Variants in NAV1 observed in about 807,000 individuals in gnomAD.
The protein encoded by NAV1 is neuron navigator 1.
Under a neutral mutation model 175.2 loss-of-function variants are expected in NAV1, and 18 were observed. That is an observed-to-expected ratio of 0.10 (90% CI 0.07 to 0.15). The LOEUF (loss-of-function observed/expected upper bound fraction) is 0.15, where lower values mean the gene tolerates loss of function less well. Among genes scored for constraint, NAV1 ranks in the 10% least tolerant of loss-of-function variants. NAV1 has a pLI of 1.00. For synonymous variants in NAV1, 897 were observed against 978.7 expected (o/e 0.92, Z 1.56); for missense variants, 1,731 against 2,436.6 (o/e 0.71, Z 6.10).
intron 1 of NAV1, among the ~76,000 whole-genome samples, chr1:201,567,475 C>T (rs915680103): frequency 2.0e-5 from 3 of 152,164 alleles, no homozygotes; most frequent in Admixed American, 1.3e-4. Flanking sequence ...AGGACTGAGG[C>T]GAAGCGAGCC....
rs1678831571 is a variant in NAV1 at position 201,813,669 on chromosome 1, A to G, written c.5340+411A>G. On this transcript the variant is annotated intron_variant, in intron 28 of 29. Coordinates refer to ENST00000367296, the Ensembl canonical transcript of NAV1. This position sits in a 1 kb window ranked among gnomAD's most constrained non-coding sequence, Gnocchi z 4.2. ...ACTTGACCTTTTTAAATACCCTCAT[A>G]TGTAAAAAAAAAAAGGAGACATCAC... Among the ~76,000 whole-genome samples the G allele has an allele frequency of 1.7e-5, 2 of 119,044 alleles. 1 individual carries two copies. Among genetic ancestry groups the G allele is most frequent in the South Asian group, 6.0e-4 (2 of 3,338 alleles). The allele number at this position is 119,044 out of a possible 152,430, so 78.1% of individuals were successfully genotyped here. A position where few individuals can be genotyped will look rare whatever the true frequency, so the allele number is the denominator to read the frequency against.
In NAV1 at chr1:201,681,412, T is replaced by A. The variant is rs113129343; in HGVS notation, c.758-31405T>A. ...CTGAGACTTTGTATACTAATGGGGT[T>A]CGTGAGTCCCCAGGAATGGGTTTAA... On this transcript the variant is annotated intron_variant, in intron 1 of 29. Transcript: ENST00000367296. Among the ~76,000 whole-genome samples, 1,070 of 152,292 alleles carry A rather than the reference T, an allele frequency of 7.0e-3. 10 individuals are homozygous for A. The highest frequency in any genetic ancestry group is 0.025 in the African/African-American group (1,019 of 41,550).
chr1:201,819,897 A>G, exon 30 of NAV1: 1 of 1,614,130 alleles, frequency 6.2e-7, no homozygotes, highest in Non-Finnish European at 8.5e-7. Flanking sequence ...AGATCGAGAA[A>G]CCATCCTGGA....
chr1:201,621,172 G>A (rs770956729), upstream of NAV1, among the ~76,000 whole-genome samples: 13 of 150,958 alleles, frequency 8.6e-5, no homozygotes, highest in Non-Finnish European at 1.5e-4. Flanking sequence ...CTCCCCGCTC[G>A]GCCTCCCAAA....
At chr1:201,618,577 G>T (rs1023841433), upstream of NAV1, among the ~76,000 whole-genome samples, 1 of 152,054 alleles carries the variant, frequency 6.6e-6, no homozygotes, top group Admixed American at 6.5e-5. Flanking sequence ...GAGGTTGGGG[G>T]TGTGTAGGCA....
chr1:201,824,238 C>A (rs900299383), exon 30 of NAV1: 2 of 152,102 alleles, frequency 1.3e-5, no homozygotes, highest in South Asian at 4.2e-4. Flanking sequence ...CATAAGCCAA[C>A]CCCTGTGATG....
intron 2 of NAV1, among the ~76,000 whole-genome samples, chr1:201,715,544 G>T (rs1298913770): frequency 6.6e-6 from 1 of 152,186 alleles, no homozygotes; most frequent in Non-Finnish European, 1.5e-5. Flanking sequence ...ATACTCCCTG[G>T]GTTAGAGAAT....
At position 201,782,344 on chromosome 1, in the gene NAV1, C is replaced by T; in HGVS notation, c.1832C>T (p.Pro611Leu). 1 of 1,614,172 alleles carries T rather than the reference C, an allele frequency of 6.2e-7. No homozygotes were observed. The change falls in exon 6 of 30, where the codon CCT (proline) becomes CTT (leucine). Residue 611 changes from proline (P) to leucine (L), a missense_variant. This residue lies in a region of NAV1 where 634 missense variants were observed against 766.8 expected (regional missense o/e 0.83). Transcript: ENST00000367296. The surrounding 1 kb of genome is among the most constrained non-coding windows in gnomAD (Gnocchi z 5.4). ...GGATCCTTTGGCTACAAGAAGCCTC[C>T]TCCTGCCACAGGCACAGCCACTGTC...
intron 2 of NAV1, among the ~76,000 whole-genome samples, chr1:201,717,396 C>A (rs1336652569): frequency 6.6e-6 from 1 of 152,208 alleles, no homozygotes; most frequent in African/African-American, 2.4e-5. Flanking sequence ...CTGATTTGGG[C>A]TGGCCCCACT....
rs779181590 is a variant in NAV1, at chr1:201,740,618, G to A, written c.1226+21863G>A. ...CGGAAGGATGAAACGGGGGAGGGAG[G>A]GGACGTTGAATTTGTGACCGTACTG... is the stretch of plus-strand genomic sequence containing the variant. On this transcript the variant is annotated intron_variant, in intron 3 of 29. Transcript: ENST00000367296. The surrounding 1 kb of genome is among the most constrained non-coding windows in gnomAD (Gnocchi z 4.7). 6.6e-6 allele frequency among the ~76,000 whole-genome samples: 1 copy of A among 152,128 alleles called. No individual in the cohort carries two copies. Among genetic ancestry groups the A allele is most frequent in the Non-Finnish European group, 1.5e-5 (1 of 68,020 alleles).
intron 3 of NAV1, among the ~76,000 whole-genome samples, chr1:201,737,126 C>CA (rs944186254): frequency 1.3e-5 from 2 of 152,120 alleles, no homozygotes; most frequent in African/African-American, 2.4e-5. Context: ...CATATTTTCA[C>CA]AAAAAACTCC....
At position 201,734,499 on chromosome 1, in the gene NAV1, G is replaced by GAAGAAGAAGA. The variant is rs1673016206; in HGVS notation, c.1226+15745_1226+15746insAGAAGAAGAA. On this transcript the variant is annotated intron_variant, in intron 3 of 29. Coordinates refer to ENST00000367296, the Ensembl canonical transcript of NAV1. ...GAGGAGGAGGAGGAAGAAGGAGAAGGAGAAGAAGAAGAAGAAGAAGAAGAA... is the reference window on the plus strand; with the variant it reads ...GAGGAGGAGGAGGAAGAAGGAGAAGGAAGAAGAAGAAGAAGAAGAAGAAGAAGAAGAAGAA... Among the ~76,000 whole-genome samples the GAAGAAGAAGA allele has an allele frequency of 1.9e-3, 227 of 120,616 alleles. 3 individuals are homozygous for GAAGAAGAAGA. The highest frequency in any genetic ancestry group is 3.8e-3 in the East Asian group (17 of 4,518). The allele number at this position is 120,616 out of a possible 152,430, so 79.1% of individuals were successfully genotyped here.
chr1:201,614,289 C>A (rs1667938232), intron 2 of NAV1, among the ~76,000 whole-genome samples: 1 of 152,246 alleles, frequency 6.6e-6, no homozygotes, highest in Non-Finnish European at 1.5e-5. Flanking sequence ...CATTCCCAAA[C>A]GCAATCGCGG....
At position 201,782,371 on chromosome 1, in the gene NAV1, T is replaced by G. The variant is rs978748412; in HGVS notation, c.1859T>G (p.Met620Arg). The change falls in exon 6 of 30, where the codon ATG (methionine) becomes AGG (arginine). Residue 620 changes from methionine (M) to arginine (R), a missense_variant. Transcript: ENST00000367296. The surrounding 1 kb of genome is among the most constrained non-coding windows in gnomAD (Gnocchi z 5.4). ...CCTGCCACAGGCACAGCCACTGTCA[T>G]GCAAACTGGTGGTTCAGCCACTCTC... 6.2e-7 allele frequency: 1 copy of G among 1,614,112 alleles called. No homozygotes were observed. The highest frequency in any genetic ancestry group is 1.3e-5 in the African/African-American group (1 of 75,048).
intron 1 of NAV1, 110 bp from the exon 4 acceptor site, chr1:201,629,294 A>G (rs989871502): frequency 9.4e-6 from 6 of 635,670 alleles, no homozygotes; most frequent in African/African-American, 7.7e-5. Context: ...GGTGCAGGGC[A>G]CTATCAGAGA....
intron 2 of NAV1, among the ~76,000 whole-genome samples, chr1:201,633,028 TG>T (rs1437080044): frequency 2.0e-5 from 3 of 152,220 alleles, no homozygotes; most frequent in African/African-American, 7.2e-5. Flanking sequence ...CAAGTATTCC[TG>T]GACTACAAAT....
intron 3 of NAV1, among the ~76,000 whole-genome samples, chr1:201,747,414 A>T (rs1673839675): frequency 6.6e-6 from 1 of 152,252 alleles, no homozygotes; most frequent in Non-Finnish European, 1.5e-5. Context: ...AACAGCTTTA[A>T]AACAGAAGTA....
intron 15 of NAV1, among the ~76,000 whole-genome samples, chr1:201,798,782 A>G (rs1677641410): frequency 8.0e-6 from 1 of 125,450 alleles, no homozygotes; most frequent in South Asian, 2.4e-4. Context: ...GGCTCACTGT[A>G]ACTTCTGCCT....
chr1:201,669,738 A>G (rs1461596755), intron 1 of NAV1, among the ~76,000 whole-genome samples: 1 of 152,184 alleles, frequency 6.6e-6, no homozygotes, highest in Non-Finnish European at 1.5e-5. Context: ...GGGTAGGGAA[A>G]CATCATTGCA....
Sources: allele counts gnomAD v4.1 joint callset (sites outside exome capture counted in the v4.1 genomes callset), GRCh38; gene constraint gnomAD v4.1.1; regional missense constraint gnomAD v4.1.1; non-coding constraint Gnocchi (gnomAD v3.1); transcripts MANE v1.5; gene names NCBI Gene and HGNC (gene_info 2026-07-23, HGNC 2026-07-21).